KLHL8: variants seen among roughly 807,000 people sequenced by gnomAD.
The protein encoded by KLHL8 is kelch like family member 8, also known as kelch-like protein 8.
KLHL8 carries 38 observed loss-of-function variants against 63.5 expected under a neutral mutation model. The ratio of observed to expected loss-of-function variants is 0.60; its 90% CI spans 0.46 to 0.78. The LOEUF is 0.78. Ranked by LOEUF, KLHL8 falls within the 30% of genes least tolerant of loss-of-function variation. The pLI is 0.00. For missense variants in KLHL8, 566 were observed against 752.4 expected, an observed-to-expected ratio of 0.75 and a Z score of 2.90; for synonymous variants, 224 against 254.3, an observed-to-expected ratio of 0.88 and a Z score of 1.13.
Position 87,178,552 on chromosome 4 carries a change from T to C in KLHL8, c.1021A>G (p.Ile341Val), listed in dbSNP as rs76241124. 4.5e-4 allele frequency: 722 copies of C among 1,612,252 alleles called. 3 individuals carry two copies. Among genetic ancestry groups the C allele is most frequent in the East Asian group, 2.6e-3 (117 of 44,706 alleles). The change falls in exon 5 of 10, where the codon ATC becomes GTC. Residue 341 changes from isoleucine (I) to valine (V), a missense_variant. Physicochemically the swap from Ile to Val is conservative, Grantham distance 29. Transcript: ENST00000273963. ...DPFRSIECYSINKNSWFFGPE... is the reference protein window; with the variant it reads ...DPFRSIECYSVNKNSWFFGPE... ...CCAAAGAACCAACTGTTTTTGTTGA[T>C]AGAATAGCATTCAATACTGCGAAAG...
At chr4:87,207,286 G>A in intron 1 of KLHL8, 2 of 587,304 alleles carry the variant, frequency 3.4e-6, no homozygotes, top group East Asian at 7.5e-5. Context: ...TGGGAAGCTT[G>A]TCATCAGTGG....
chr4:87,237,296 A>G (rs1219052305), intron 1 of KLHL8, among the ~76,000 whole-genome samples: 1 of 152,232 alleles, frequency 6.6e-6, no homozygotes, highest in Non-Finnish European at 1.5e-5. Context: ...CTAGATAATC[A>G]GAGAAGTCTT....
chr4:87,167,421 G>T, intron 8 of KLHL8: 1 of 469,934 alleles, frequency 2.1e-6, no homozygotes. Context: ...CAAATAAGGT[G>T]TTCTCCTACT....
chr4:87,177,290 G>A (rs6531951), intron 5 of KLHL8, among the ~76,000 whole-genome samples: 52,757 of 151,752 alleles, frequency 0.35, 9,968 homozygotes, highest in Middle Eastern at 0.57. Context: ...TGAGGTGGGC[G>A]GATCACCTGA....
intron 1 of KLHL8, among the ~76,000 whole-genome samples, chr4:87,229,524 C>T (rs577883879): frequency 5.9e-5 from 9 of 151,420 alleles, no homozygotes; most frequent in Admixed American, 4.6e-4. Flanking sequence ...CTCTGCCTCC[C>T]GGGTTCAAGC....
intron 6 of KLHL8, among the ~76,000 whole-genome samples, chr4:87,173,245 C>G (rs971820339): frequency 1.3e-5 from 2 of 152,108 alleles, no homozygotes; most frequent in Non-Finnish European, 1.5e-5. Flanking sequence ...CTCAAGCACC[C>G]TTTACTCACC....
At chr4:87,170,647 T>C (rs781158236) in intron 6 of KLHL8, 32 bp from the exon 7 acceptor site, 1 of 1,574,354 alleles carries the variant, frequency 6.4e-7, no homozygotes, top group Admixed American at 2.0e-5. Context: ...CTTTAGCAAA[T>C]GAGTTTGTTT....
intron 1 of KLHL8, among the ~76,000 whole-genome samples, chr4:87,226,436 G>A (rs1365196819): frequency 1.3e-5 from 2 of 149,656 alleles, no homozygotes; most frequent in African/African-American, 4.9e-5. Flanking sequence ...GGCGGTGCAC[G>A]CCTGTAGTCC....
chr4:87,236,683 T>TTC (rs58237563), intron 1 of KLHL8, among the ~76,000 whole-genome samples: 4 of 147,684 alleles, frequency 2.7e-5, no homozygotes, highest in Non-Finnish European at 6.0e-5. Context: ...TTTTTTTTTT[T>TTC]AGATGGAGTC....
At chr4:87,178,015 T>G (rs1168209798) in intron 5 of KLHL8, among the ~76,000 whole-genome samples, 1 of 152,184 alleles carries the variant, frequency 6.6e-6, no homozygotes, top group Non-Finnish European at 1.5e-5. Context: ...ATGAAAATGT[T>G]TTTATATTGT....
At chr4:87,215,870 T>C (rs943705618) in intron 1 of KLHL8, among the ~76,000 whole-genome samples, 1 of 152,186 alleles carries the variant, frequency 6.6e-6, no homozygotes, top group Non-Finnish European at 1.5e-5. Flanking sequence ...CTAGCAGTAC[T>C]AAAAGTCAAA....
intron 1 of KLHL8, among the ~76,000 whole-genome samples, chr4:87,205,995 C>T (rs1732113253): frequency 6.6e-6 from 1 of 152,128 alleles, no homozygotes; most frequent in South Asian, 2.1e-4. Flanking sequence ...CTTATCTTCT[C>T]CCTCACTATA....
intron 1 of KLHL8, among the ~76,000 whole-genome samples, chr4:87,196,719 C>T (rs1443371657): frequency 6.6e-6 from 1 of 152,144 alleles, no homozygotes; most frequent in Non-Finnish European, 1.5e-5. Flanking sequence ...TACAATTCTA[C>T]TTTGGTGACA....
In KLHL8 at chr4:87,178,601, AC is replaced by A; in HGVS notation, c.971del (p.Gly324ValfsTer29). On this transcript the variant is annotated frameshift_variant, in exon 5 of 10. Coordinates refer to ENST00000273963, the MANE Select transcript of KLHL8 (RefSeq NM_020803.5). LOFTEE classifies it high-confidence loss of function. ...AGGGGTCACCAGATCCACCTCGACC[AC>A]CTACACAAAACAGCACACCTAAAGG... ...KHTAGVLFCVGGRGGSGDPFR... is the reference protein window; with the variant it reads ...KHTAGVLFCVXGRGGSGDPFR... 6.2e-7 allele frequency: 1 copy of A among 1,601,976 alleles called. No homozygotes were observed. The highest frequency in any genetic ancestry group is 8.5e-7 in the Non-Finnish European group (1 of 1,176,914).
rs201379968 is a variant in KLHL8, at chr4:87,209,895, C to CCAAGCTGGAGTGCAGTGGCG, written c.-152+10503_-152+10522dup. ...TGAGGCAAGGCCTGGCTCTATTGGC[C>CCAAGCTGGAGTGCAGTGGCG]CAAGCTGGAGTGCAGTGGCGCAATC... On this transcript the variant is annotated intron_variant, in intron 1 of 9. Coordinates refer to ENST00000273963, the MANE Select transcript of KLHL8 (RefSeq NM_020803.5). 9.7e-3 allele frequency among the ~76,000 whole-genome samples: 1,447 copies of CCAAGCTGGAGTGCAGTGGCG among 148,714 alleles called. 27 individuals are homozygous for CCAAGCTGGAGTGCAGTGGCG. Among genetic ancestry groups the CCAAGCTGGAGTGCAGTGGCG allele is most frequent in the African/African-American group, 0.034 (1,366 of 39,984 alleles).
upstream of KLHL8, among the ~76,000 whole-genome samples, chr4:87,221,549 T>C (rs1732853643): frequency 6.6e-6 from 1 of 152,046 alleles, no homozygotes; most frequent in Admixed American, 6.6e-5. Flanking sequence ...TTCCCCTAAA[T>C]GTGTCTTTTG....
At chr4:87,219,333 G>A (rs1021022121) in intron 1 of KLHL8, among the ~76,000 whole-genome samples, 3 of 152,186 alleles carry the variant, frequency 2.0e-5, no homozygotes, top group African/African-American at 7.2e-5. Context: ...TCCTTCTAGA[G>A]AGAGAATAAA....
intron 6 of KLHL8, among the ~76,000 whole-genome samples, chr4:87,171,580 A>C (rs1177555993): frequency 1.3e-5 from 2 of 152,232 alleles, no homozygotes; most frequent in Non-Finnish European, 2.9e-5. Context: ...TGTGAGAACA[A>C]GTACATGTGT....
chr4:87,237,414 A>T (rs945894810), intron 1 of KLHL8, among the ~76,000 whole-genome samples: 1 of 152,206 alleles, frequency 6.6e-6, no homozygotes, highest in Admixed American at 6.5e-5. Flanking sequence ...AGTAGAAACT[A>T]AAAACAAAAC....
Sources: gnomAD v4.1 joint callset for allele counts (sites outside exome capture counted in the v4.1 genomes callset) on GRCh38, gnomAD v4.1.1 for gene constraint, MANE v1.5 for transcripts, NCBI Gene and HGNC (gene_info 2026-07-23, HGNC 2026-07-21) for gene names.